DCLK2: variants seen among roughly 807,000 people sequenced by gnomAD.
DCLK2 encodes serine/threonine-protein kinase DCLK2.
Under a neutral mutation model 78.4 loss-of-function variants are expected in DCLK2, and 31 were observed. That is an observed-to-expected ratio of 0.40 (90% CI 0.30 to 0.53). The LOEUF (loss-of-function observed/expected upper bound fraction) is 0.53, where lower values mean the gene tolerates loss of function less well. Among genes scored for constraint, DCLK2 ranks in the 20% least tolerant of loss-of-function variants. The pLI, the probability that DCLK2 is intolerant of heterozygous loss-of-function variation, is 0.61. For missense variants in DCLK2, 872 were observed against 973.7 expected, an observed-to-expected ratio of 0.90 and a Z score of 1.39; for synonymous variants, 407 against 374.9, an observed-to-expected ratio of 1.09 and a Z score of -0.99.
intron 2 of DCLK2, among the ~76,000 whole-genome samples, chr4:150,187,104 A>G (rs570795305): frequency 3.9e-5 from 6 of 152,192 alleles, no homozygotes; most frequent in Non-Finnish European, 4.4e-5. Context: ...CAGCTCACAT[A>G]TATAGATATA....
chr4:150,139,160 C>G (rs531855380), intron 2 of DCLK2, among the ~76,000 whole-genome samples: 24 of 152,242 alleles, frequency 1.6e-4, no homozygotes, highest in Admixed American at 1.4e-3. Flanking sequence ...GGCCACCATG[C>G]CTGGCCAGGT....
At chr4:150,156,744 TA>T (rs1251549087) in intron 2 of DCLK2, among the ~76,000 whole-genome samples, 17 of 32,422 alleles carry the variant, frequency 5.2e-4, no homozygotes, top group Admixed American at 1.2e-3. Flanking sequence ...GTAACTATTT[TA>T]TTTATTTATT....
In DCLK2 at chr4:150,102,635, C is replaced by A; in HGVS notation, c.579C>A (p.Phe193Leu). The change falls in exon 2 of 16, where the codon TTC becomes TTA. Residue 193 changes from phenylalanine (F) to leucine (L), a missense_variant. By Grantham distance (22) the Phe-to-Leu change is conservative. Coordinates refer to ENST00000296550, the MANE Select transcript of DCLK2 (RefSeq NM_001040260.4). ...VKSEVKESKD[F>L]IKPKLVTVIR... is the part of the protein sequence containing the mutation. ...GTGAAGTAAAAGAAAGTAAAGATTT[C>A]ATCAAACCCAAGTTAGTGACTGTGA... 1 of 1,614,162 alleles carries A rather than the reference C, an allele frequency of 6.2e-7. No individual in the cohort carries two copies. Among genetic ancestry groups the A allele is most frequent in the Non-Finnish European group, 8.5e-7 (1 of 1,180,028 alleles).
chr4:150,149,321 A>G (rs1473305815), intron 2 of DCLK2, among the ~76,000 whole-genome samples: 2 of 152,204 alleles, frequency 1.3e-5, no homozygotes, highest in East Asian at 3.9e-4. Context: ...CTCAATTTAT[A>G]TAATTAAATA....
intron 7 of DCLK2, 152 bp from the exon 8 acceptor site, chr4:150,224,349 G>A: frequency 3.3e-6 from 2 of 602,476 alleles, no homozygotes; most frequent in Non-Finnish European, 2.7e-6. Context: ...AGGAGGATCA[G>A]TTGAGCCCAG....
At chr4:150,221,390 A>G (rs944839338) in intron 6 of DCLK2, among the ~76,000 whole-genome samples, 5 of 149,622 alleles carry the variant, frequency 3.3e-5, no homozygotes, top group African/African-American at 1.2e-4. Context: ...AAAAGTTTGG[A>G]TAAGTTTTAG....
At chr4:150,081,281 T>C (rs1729245012) in intron 1 of DCLK2, among the ~76,000 whole-genome samples, 2 of 152,208 alleles carry the variant, frequency 1.3e-5, no homozygotes, top group Admixed American at 6.5e-5. Flanking sequence ...AAGATGGACA[T>C]TATGCATGTC....
chr4:150,114,518 GA>G (rs1478425112), intron 2 of DCLK2, among the ~76,000 whole-genome samples: 1 of 152,162 alleles, frequency 6.6e-6, no homozygotes, highest in Non-Finnish European at 1.5e-5. Context: ...ATGCTGTCAA[GA>G]GGTTCTATTA....
intron 2 of DCLK2, among the ~76,000 whole-genome samples, chr4:150,156,483 A>AAAATAAAT (rs545633598): frequency 0.13 from 18,106 of 143,078 alleles, 1,385 homozygotes; most frequent in South Asian, 0.33. Context: ...CGTCTCTACC[A>AAAATAAAT]AAATAAATAA....
intron 1 of DCLK2, among the ~76,000 whole-genome samples, chr4:150,100,309 C>G (rs1449396082): frequency 6.6e-6 from 1 of 152,196 alleles, no homozygotes; most frequent in Non-Finnish European, 1.5e-5. Context: ...TAAGGAGCTT[C>G]CTTTACCTAC....
At chr4:150,234,767 A>G (rs11320473) in intron 10 of DCLK2, among the ~76,000 whole-genome samples, 73,029 of 146,756 alleles carry the variant, frequency 0.5, 18,349 homozygotes, top group Middle Eastern at 0.56. Context: ...AAAAAAAAAA[A>G]GGGGGATTGT....
intron 2 of DCLK2, among the ~76,000 whole-genome samples, chr4:150,108,298 G>A (rs1253167611): frequency 1.1e-4 from 16 of 151,806 alleles, no homozygotes. Context: ...CATGAGGTCA[G>A]GAGATTGAGA....
At chr4:150,173,859 C>CAGCT (rs1736734588) in intron 2 of DCLK2, among the ~76,000 whole-genome samples, 1 of 152,126 alleles carries the variant, frequency 6.6e-6, no homozygotes, top group Non-Finnish European at 1.5e-5. Flanking sequence ...ATTACATGAA[C>CAGCT]AGCTCATGGC....
intron 1 of DCLK2, among the ~76,000 whole-genome samples, chr4:150,084,126 A>C (rs942665771): frequency 6.6e-6 from 1 of 152,224 alleles, no homozygotes; most frequent in Non-Finnish European, 1.5e-5. Context: ...TCCTCTGCTT[A>C]CAGCATTTTT....
At chr4:150,250,648 T>G (rs1235366660) in intron 15 of DCLK2, among the ~76,000 whole-genome samples, 1 of 151,762 alleles carries the variant, frequency 6.6e-6, no homozygotes, top group East Asian at 1.9e-4. Flanking sequence ...CACTGAGTCC[T>G]GACAGCTAAG....
intron 2 of DCLK2, among the ~76,000 whole-genome samples, chr4:150,172,924 G>C (rs1052765425): frequency 1.3e-5 from 2 of 152,094 alleles, no homozygotes; most frequent in African/African-American, 4.8e-5. Flanking sequence ...TCTTAACCCT[G>C]TACTACATTT....
At chr4:150,242,649 G>A (rs1390533652) in intron 12 of DCLK2, among the ~76,000 whole-genome samples, 1 of 152,078 alleles carries the variant, frequency 6.6e-6, no homozygotes, top group African/African-American at 2.4e-5. Flanking sequence ...CATCATGCAG[G>A]GGCTGTCCTG....
intron 4 of DCLK2, among the ~76,000 whole-genome samples, chr4:150,202,845 T>C (rs1739554233): frequency 6.6e-6 from 1 of 152,158 alleles, no homozygotes; most frequent in African/African-American, 2.4e-5. Context: ...ACTACTAGTT[T>C]TGTGAAATTA....
rs117101603 is a variant in DCLK2 at position 150,104,560 on chromosome 4, C to T, written c.756+1748C>T. 4.9e-4 allele frequency among the ~76,000 whole-genome samples: 74 copies of T among 151,966 alleles called. No individual in the cohort carries two copies. In the East Asian group the frequency reaches 0.012, roughly 25 times the overall value. ...TAAAGCACATGCAACTAAAAATCAA[C>T]ATTTCAAAACAATACAGTGTGATGA... is the stretch of plus-strand genomic sequence containing the variant. On this transcript the variant is annotated intron_variant, in intron 2 of 15. Coordinates refer to ENST00000296550, the MANE Select transcript of DCLK2 (RefSeq NM_001040260.4).
Sources: allele counts gnomAD v4.1 joint callset (sites outside exome capture counted in the v4.1 genomes callset), GRCh38; gene constraint gnomAD v4.1.1; transcripts MANE v1.5; gene names NCBI Gene and HGNC (gene_info 2026-07-23, HGNC 2026-07-21).